The following MMP24 variants were observed in gnomAD, a reference collection of about 807,000 sequenced individuals.
MMP24 encodes matrix metalloproteinase-24.
MMP24 carries 25 observed loss-of-function variants against 62.8 expected under a neutral mutation model. The observed-to-expected ratio is 0.40, with a 90% confidence interval of 0.29 to 0.56. MMP24 has a LOEUF of 0.56. Among genes scored for constraint, MMP24 ranks in the 20% least tolerant of loss-of-function variants. The pLI, the probability that MMP24 is intolerant of heterozygous loss-of-function variation, is 0.50. For missense variants in MMP24, 634 were observed against 853.6 expected, an observed-to-expected ratio of 0.74 and a Z score of 3.21; for synonymous variants, 319 against 350.5, an observed-to-expected ratio of 0.91 and a Z score of 1.00.
rs1379262331 is a variant in MMP24, at chr20:35,269,479, C to A, written c.1195-281C>A. 1.3e-5 allele frequency among the ~76,000 whole-genome samples: 2 copies of A among 152,194 alleles called. No individual in the cohort carries two copies. The highest frequency in any genetic ancestry group is 4.8e-5 in the African/African-American group (2 of 41,440). On this transcript the variant is annotated intron_variant, in intron 6 of 8. Transcript: ENST00000246186. The surrounding 1 kb of genome is among the most constrained non-coding windows in gnomAD (Gnocchi z 4.6). ...GCCCCCATGTGGCCACTCCAGGCCC[C>A]AACATCATCCTTTCCGGCTCCCTCA... is the stretch of plus-strand genomic sequence containing the variant.
intron 4 of MMP24, chr20:35,256,063 G>C (rs2060572998): frequency 6.6e-6 from 1 of 152,200 alleles, no homozygotes; most frequent in African/African-American, 2.4e-5. Context: ...TATAAGAGAT[G>C]ATAATTAGTG....
In MMP24 at chr20:35,226,890, GGGC is replaced by G. The variant is rs1180290790; in HGVS notation, c.170_172del (p.Ala57del). ...CTCTGCTGCCTCCCGGGCGCCGCGC[GGGC>G]GGCGGCGGCGGCGGCGGGGGCAGGG... is the stretch of plus-strand genomic sequence containing the variant. On this transcript the variant is annotated inframe_deletion, in exon 1 of 9. Transcript: ENST00000246186. 43 of 973,108 alleles carry G rather than the reference GGGC, an allele frequency of 4.4e-5. No homozygotes were observed. Among genetic ancestry groups the G allele is most frequent in the East Asian group, 1.2e-4 (1 of 8,506 alleles). The allele number at this position is 973,108 out of a possible 1,614,324, so 60.3% of individuals were successfully genotyped here. A position where few individuals can be genotyped will look rare whatever the true frequency, so the allele number is the denominator to read the frequency against.
chr20:35,234,931 G>A (rs562735019), intron 1 of MMP24, among the ~76,000 whole-genome samples: 1 of 152,302 alleles, frequency 6.6e-6, no homozygotes, highest in Admixed American at 6.5e-5. Flanking sequence ...GGGCTGGAAA[G>A]GTGCATTGGC....
At chr20:35,266,774 C>G (rs1466637375) in intron 5 of MMP24, among the ~76,000 whole-genome samples, 1 of 152,090 alleles carries the variant, frequency 6.6e-6, no homozygotes, top group African/African-American at 2.4e-5. Context: ...GATGCATGTG[C>G]TTATTAAAGT....
intron 1 of MMP24, among the ~76,000 whole-genome samples, chr20:35,228,086 G>A (rs888156767): frequency 6.6e-6 from 1 of 152,166 alleles, no homozygotes; most frequent in South Asian, 2.1e-4. Flanking sequence ...CCTAAGAGAT[G>A]GAGTATATTT....
At chr20:35,242,281 G>A (rs187121970) in intron 1 of MMP24, among the ~76,000 whole-genome samples, 8 of 151,972 alleles carry the variant, frequency 5.3e-5, no homozygotes, top group African/African-American at 7.2e-5. Flanking sequence ...GCAGTGAGCC[G>A]AGATCGTACC....
At chr20:35,248,863 A>G (rs1001253322) in intron 2 of MMP24, among the ~76,000 whole-genome samples, 1 of 152,276 alleles carries the variant, frequency 6.6e-6, no homozygotes, top group Non-Finnish European at 1.5e-5. Flanking sequence ...ATGGCAGTGC[A>G]TCCTGGGGCA....
intron 5 of MMP24, among the ~76,000 whole-genome samples, chr20:35,265,765 G>A (rs940012559): frequency 2.0e-5 from 3 of 151,776 alleles, no homozygotes; most frequent in Non-Finnish European, 4.4e-5. Context: ...GTTCTTTAGT[G>A]GGTCTCAGTC....
intron 1 of MMP24, among the ~76,000 whole-genome samples, chr20:35,243,827 G>GA (rs2060500504): frequency 6.6e-6 from 1 of 152,074 alleles, no homozygotes; most frequent in South Asian, 2.1e-4. Context: ...TTAGGCAGAG[G>GA]AAAAAACATG....
chr20:35,244,238 G>C (rs562962391), intron 1 of MMP24, among the ~76,000 whole-genome samples: 4 of 152,242 alleles, frequency 2.6e-5, no homozygotes, highest in Admixed American at 1.3e-4. Context: ...CCCTTCATTG[G>C]CTTACTTGGC....
chr20:35,270,007 C>A, intron 7 of MMP24, 109 bp downstream of exon 7: 1 of 1,357,286 alleles, frequency 7.4e-7, no homozygotes, highest in Non-Finnish European at 1.0e-6. Context: ...CTCAGAGGGC[C>A]CCTCTAGTCT....
At chr20:35,239,291 C>A (rs1473207180) in intron 1 of MMP24, among the ~76,000 whole-genome samples, 1 of 151,354 alleles carries the variant, frequency 6.6e-6, no homozygotes, top group African/African-American at 2.4e-5. Flanking sequence ...TCTGCCTCGG[C>A]CTCTCAAAGT....
chr20:35,260,615 C>T (rs942652877), intron 4 of MMP24, among the ~76,000 whole-genome samples: 1 of 152,248 alleles, frequency 6.6e-6, no homozygotes. Context: ...CAGCGATGAG[C>T]TCACCCTTCC....
At position 35,267,194 on chromosome 20, in the gene MMP24, C is replaced by A; in HGVS notation, c.980-11C>A. The A allele has an allele frequency of 1.3e-6, 2 of 1,573,332 alleles. No homozygotes were observed. Among genetic ancestry groups the A allele is most frequent in the Non-Finnish European group, 1.7e-6 (2 of 1,160,214 alleles). ...GCTGCCCCCTCTCTAAGATGCAGCT[C>A]CTCTCTCCAGGACCCCCAGCCGAGC... On this transcript the variant is annotated splice_polypyrimidine_tract_variant and intron_variant, in intron 5 of 8. Coordinates refer to ENST00000246186, the MANE Select transcript of MMP24 (RefSeq NM_006690.4).
Position 35,254,700 on chromosome 20 carries a change from G to C in MMP24, c.763G>C (p.Asp255His), listed in dbSNP as rs773279156. 1 of 1,614,220 alleles carries C rather than the reference G, an allele frequency of 6.2e-7. No homozygotes were observed. The highest frequency in any genetic ancestry group is 8.5e-7 in the Non-Finnish European group (1 of 1,180,036). Residue 255 changes from aspartate to histidine, a missense_variant, in exon 4 of 9, where the codon GAC (aspartate) becomes CAC (histidine). Transcript: ENST00000246186. ...CTTCCCTGGCCCAGGGATTGGAGGA[G>C]ACACCCACTTTGACTCCGATGAGCC... ...AYFPGPGIGG[D>H]THFDSDEPWT...
chr20:35,226,762 C>T lies in MMP24; in HGVS notation c.24C>T (p.Arg8=). The change falls in exon 1 of 9, where the codon CGC becomes CGT. Residue 8 remains arginine (R), a synonymous_variant. Transcript: ENST00000246186. MPRSRGG[R]AAPGPPPPPP... ...GGATGCCGAGGAGCCGGGGCGGCCG[C>T]GCCGCGCCGGGGCCGCCGCCGCCGC... 3 of 493,430 alleles carry T rather than the reference C, an allele frequency of 6.1e-6. No homozygotes were observed. Among genetic ancestry groups the T allele is most frequent in the Non-Finnish European group, 6.6e-6 (3 of 453,534 alleles). 30.6% of individuals were successfully genotyped at this position (493,430 alleles called of 1,614,324 possible). A position where few individuals can be genotyped will look rare whatever the true frequency, so the allele number is the denominator to read the frequency against.
At position 35,251,944 on chromosome 20, in the gene MMP24, C is replaced by G. The variant is rs1355973908; in HGVS notation, c.435C>G (p.Pro145=). Residue 145 remains proline, a synonymous_variant, in exon 3 of 9, where the codon CCC becomes CCG. Transcript: ENST00000246186. The part of the protein sequence containing the change: ...KKPRCGVPDH[P]HLSRRRRNKR... Reference sequence around the variant, plus strand: ...CCCGATGTGGTGTCCCTGATCACCCCCACTTAAGCCGTAGGCGGAGAAACA... The same window carrying G: ...CCCGATGTGGTGTCCCTGATCACCCGCACTTAAGCCGTAGGCGGAGAAACA... 5 of 1,613,892 alleles carry G rather than the reference C, an allele frequency of 3.1e-6. No individual in the cohort carries two copies.
In MMP24 at chr20:35,267,378, A is replaced by G. The variant is rs777603952; in HGVS notation, c.1153A>G (p.Asn385Asp). 1.9e-6 allele frequency: 3 copies of G among 1,573,452 alleles called. No individual in the cohort carries two copies. The highest frequency in any genetic ancestry group is 2.6e-6 in the Non-Finnish European group (3 of 1,159,808). ...ACCCAACATCTGTGACGGCAACTTC[A>G]ACACAGTGGCCCTCTTCCGGGGCGA... ...TKPNICDGNF[N>D]TVALFRGEMF... is the part of the protein sequence containing the mutation. Residue 385 changes from asparagine (N) to aspartate (D), a missense_variant, in exon 6 of 9, where the codon AAC becomes GAC. Physicochemically the swap from Asn to Asp is conservative, Grantham distance 23. Coordinates refer to ENST00000246186, the MANE Select transcript of MMP24 (RefSeq NM_006690.4).
At chr20:35,261,620 T>C (rs2060603186) in intron 4 of MMP24, among the ~76,000 whole-genome samples, 1 of 152,092 alleles carries the variant, frequency 6.6e-6, no homozygotes, top group Non-Finnish European at 1.5e-5. Context: ...TCACCTACAC[T>C]TGAATCCCTG....
Sources: allele counts gnomAD v4.1 joint callset (sites outside exome capture counted in the v4.1 genomes callset), GRCh38; gene constraint gnomAD v4.1.1; non-coding constraint Gnocchi (gnomAD v3.1); transcripts MANE v1.5; gene names NCBI Gene and HGNC (gene_info 2026-07-23, HGNC 2026-07-21).